Variants in ARHGAP22 observed in about 807,000 individuals in gnomAD.
ARHGAP22 encodes rho GTPase-activating protein 22.
Under a neutral mutation model 59.1 loss-of-function variants are expected in ARHGAP22, and 48 were observed. That is an observed-to-expected ratio of 0.81 (90% CI 0.64 to 1.03). The LOEUF is 1.03. Among genes scored for constraint, ARHGAP22 ranks in the 50% least tolerant of loss-of-function variants. The pLI is 0.00. For missense variants in ARHGAP22, 1,015 were observed against 958.7 expected, an observed-to-expected ratio of 1.06 and a Z score of -0.78; for synonymous variants, 445 against 416.4, an observed-to-expected ratio of 1.07 and a Z score of -0.84.
chr10:48,503,016 C>T (rs1010435928), intron 3 of ARHGAP22, among the ~76,000 whole-genome samples: 2 of 152,224 alleles, frequency 1.3e-5, no homozygotes, highest in Non-Finnish European at 2.9e-5. Flanking sequence ...TTGGGCTCGC[C>T]TGGCTCTGAG....
chr10:48,541,724 T>C (rs1179702125), intron 3 of ARHGAP22, among the ~76,000 whole-genome samples: 1 of 152,146 alleles, frequency 6.6e-6, no homozygotes, highest in East Asian at 1.9e-4. Flanking sequence ...GCCAAGCTGG[T>C]CCAGGCAGGC....
At position 48,583,003 on chromosome 10, in the gene ARHGAP22, G is replaced by T. The variant is rs370486035; in HGVS notation, c.184C>A (p.Arg62Ser). The change falls in exon 2 of 10, where the codon CGT becomes AGT. Residue 62 changes from arginine (R) to serine (S), a missense_variant. Arg to Ser is a moderately radical substitution (Grantham distance 110). Transcript: ENST00000249601. The part of the protein sequence containing the change: ...KNWQQRWFVL[R>S]GDQLFYYKDK... ...TTGTAGTAGAAAAGCTGATCCCCAC[G>T]CAGCACAAACCAGCGCTGCTGCCAG... The T allele has an allele frequency of 1.9e-6, 3 of 1,614,210 alleles. No individual in the cohort carries two copies. Among genetic ancestry groups the T allele is most frequent in the Non-Finnish European group, 2.5e-6 (3 of 1,180,028 alleles).
chr10:48,524,030 G>A, intron 3 of ARHGAP22: 1 of 1,470,754 alleles, frequency 6.8e-7, no homozygotes, highest in Non-Finnish European at 9.0e-7. Context: ...AGGGAGCGGG[G>A]CGCACGTGCG....
rs76720006 is a variant in ARHGAP22 at position 48,448,851 on chromosome 10, C to T, written c.1868+1410G>A. Among the ~76,000 whole-genome samples, 10 of 152,350 alleles carry T rather than the reference C, an allele frequency of 6.6e-5. No individual in the cohort carries two copies. In the East Asian group the frequency reaches 1.9e-3, roughly 29 times the overall value. ...TTACCTCCAGCCACCAGGCAGGAGT[C>T]AATGCGAGCAGCAAAGTTTCCCGAG... On this transcript the variant is annotated intron_variant, in intron 9 of 9. Coordinates refer to ENST00000249601, the MANE Select transcript of ARHGAP22 (RefSeq NM_021226.4).
intron 3 of ARHGAP22, among the ~76,000 whole-genome samples, chr10:48,497,623 C>T (rs895542315): frequency 5.9e-5 from 9 of 152,118 alleles, no homozygotes; most frequent in Admixed American, 3.3e-4. Context: ...TCCAGGAAAA[C>T]AGCTCTGGAA....
chr10:48,596,727 C>T (rs2060089150), intron 1 of ARHGAP22, among the ~76,000 whole-genome samples: 1 of 152,236 alleles, frequency 6.6e-6, no homozygotes, highest in Non-Finnish European at 1.5e-5. Context: ...CTTCTGCCTT[C>T]AACCCATTCT....
chr10:48,450,411 G>T lies in ARHGAP22; in HGVS notation c.1718C>A (p.Ala573Glu), dbSNP rs749348410. The part of the protein sequence containing the change: ...SLDLDHSMDE[A>E]GAGASNSEPS... ...CTCGCTGTTGCTGGCACCCGCGCCC[G>T]CCTCGTCCATGCTGTGGTCCAGGTC... is the stretch of plus-strand genomic sequence containing the variant. Residue 573 changes from alanine (A) to glutamate (E), a missense_variant, in exon 9 of 10, where the codon GCG becomes GAG. Physicochemically the swap from Ala to Glu is moderately radical, Grantham distance 107. Transcript: ENST00000249601. 3.8e-5 allele frequency: 60 copies of T among 1,570,388 alleles called. 1 individual carries two copies. The highest frequency in any genetic ancestry group is 2.6e-4 in the South Asian group (22 of 85,686).
chr10:48,478,634 C>G (rs1040946453), intron 4 of ARHGAP22, among the ~76,000 whole-genome samples: 1 of 152,218 alleles, frequency 6.6e-6, no homozygotes, highest in African/African-American at 2.4e-5. Flanking sequence ...AGTCGGTGGC[C>G]CTGGCCCCAA....
At chr10:48,444,848 TTCTC>T (rs1160835805), downstream of ARHGAP22, 3 of 152,208 alleles carry the variant, frequency 2.0e-5, no homozygotes, top group Non-Finnish European at 4.4e-5. Context: ...TCCTATTCTC[TTCTC>T]TCTCCTTGAG....
chr10:48,458,065 T>C (rs1316439524), intron 5 of ARHGAP22, among the ~76,000 whole-genome samples: 1 of 151,676 alleles, frequency 6.6e-6, no homozygotes, highest in African/African-American at 2.4e-5. Context: ...GTGGGAAGGA[T>C]GGCCTCAGAT....
chr10:48,580,538 A>G (rs1320204446), intron 2 of ARHGAP22, among the ~76,000 whole-genome samples: 1 of 152,146 alleles, frequency 6.6e-6, no homozygotes, highest in Non-Finnish European at 1.5e-5. Context: ...GGGCTGGTAC[A>G]GGAGGAGGGT....
chr10:48,529,974 C>A (rs1053306074), intron 3 of ARHGAP22, among the ~76,000 whole-genome samples: 1 of 152,162 alleles, frequency 6.6e-6, no homozygotes, highest in African/African-American at 2.4e-5. Flanking sequence ...CGGTGGCTCA[C>A]GCCTGTAATC....
At chr10:48,487,498 T>C (rs879851540) in intron 3 of ARHGAP22, among the ~76,000 whole-genome samples, 15 of 152,000 alleles carry the variant, frequency 9.9e-5, no homozygotes, top group Admixed American at 2.6e-4. Flanking sequence ...AAGAGAGAGA[T>C]GTGTCTACAG....
chr10:48,544,935 C>T (rs2056301016), intron 3 of ARHGAP22, among the ~76,000 whole-genome samples: 2 of 152,030 alleles, frequency 1.3e-5, no homozygotes, highest in South Asian at 4.1e-4. Flanking sequence ...CAAGTACTTC[C>T]AGTGAAAATT....
At chr10:48,568,333 G>C (rs1295549820) in intron 2 of ARHGAP22, among the ~76,000 whole-genome samples, 1 of 152,214 alleles carries the variant, frequency 6.6e-6, no homozygotes, top group African/African-American at 2.4e-5. Flanking sequence ...GACATGTCCT[G>C]GGCAGCATGA....
intron 2 of ARHGAP22, among the ~76,000 whole-genome samples, chr10:48,557,413 T>C (rs1291394324): frequency 6.6e-6 from 1 of 152,154 alleles, no homozygotes; most frequent in Non-Finnish European, 1.5e-5. Context: ...ATAGCTTCTG[T>C]TTATAAAGAC....
chr10:48,452,153 T>C (rs986149696), intron 8 of ARHGAP22, among the ~76,000 whole-genome samples: 1 of 151,816 alleles, frequency 6.6e-6, no homozygotes, highest in African/African-American at 2.4e-5. Context: ...GTTCCTACGG[T>C]GGTGGGGTGG....
At chr10:48,489,593 T>C (rs924564902) in intron 3 of ARHGAP22, among the ~76,000 whole-genome samples, 4 of 152,196 alleles carry the variant, frequency 2.6e-5, no homozygotes, top group African/African-American at 9.7e-5. Flanking sequence ...CACTGGCAAA[T>C]ATTTCAGGAA....
At chr10:48,524,587 G>A (rs1222616867) in intron 3 of ARHGAP22, among the ~76,000 whole-genome samples, 1 of 152,126 alleles carries the variant, frequency 6.6e-6, no homozygotes, top group Non-Finnish European at 1.5e-5. Flanking sequence ...GCTGTGCAAG[G>A]GAGACGCCCC....
Sources: allele counts gnomAD v4.1 joint callset (sites outside exome capture counted in the v4.1 genomes callset), GRCh38; gene constraint gnomAD v4.1.1; transcripts MANE v1.5; gene names NCBI Gene and HGNC (gene_info 2026-07-23, HGNC 2026-07-21).